Variants in TAMALIN observed in about 807,000 individuals in gnomAD.
TAMALIN encodes trafficking regulator and scaffold protein tamalin, also known as protein TAMALIN.
TAMALIN carries 9 observed loss-of-function variants against 38.5 expected under a neutral mutation model. The ratio of observed to expected loss-of-function variants is 0.23; its 90% confidence interval spans 0.14 to 0.41. The LOEUF is 0.41. Ranked by LOEUF, TAMALIN falls within the 10% of genes least tolerant of loss-of-function variation. The pLI is 1.00. For synonymous variants in TAMALIN, 306 were observed against 256.5 expected (o/e 1.19, Z -1.85); for missense variants, 548 against 554.1 (o/e 0.99, Z 0.11).
Position 52,012,631 on chromosome 12 carries a change from C to T in TAMALIN, c.455-1056C>T, listed in dbSNP as rs79595402. 5.4e-3 allele frequency among the ~76,000 whole-genome samples: 828 copies of T among 152,288 alleles called. 8 individuals are homozygous for T. Among genetic ancestry groups the T allele is most frequent in the African/African-American group, 0.019 (785 of 41,544 alleles). On this transcript the variant is annotated intron_variant, in intron 4 of 7. Transcript: ENST00000293662. The stretch of plus-strand genomic sequence containing the variant: ...GAAGCCTCAACATGAGTTTTGGGGA[C>T]AAACAATATTTAAATGGTAGCAGTA...
At chr12:52,013,414 T>G in intron 4 of TAMALIN, 1 of 430,076 alleles carries the variant, frequency 2.3e-6, no homozygotes, top group East Asian at 4.1e-5. Context: ...GGGTGTTGGG[T>G]GTGTGAGGTC....
In TAMALIN at chr12:52,007,449, C is replaced by T; in HGVS notation, c.246+184C>T. The T allele has an allele frequency of 1.0e-6, 1 of 985,254 alleles. No individual in the cohort carries two copies. The highest frequency in any genetic ancestry group is 1.2e-6 in the Non-Finnish European group (1 of 829,838). 61.0% of individuals were successfully genotyped at this position (985,254 alleles called of 1,614,324 possible). On this transcript the variant is annotated intron_variant, in intron 1 of 7. Transcript: ENST00000293662. The surrounding 1 kb of genome is among the most constrained non-coding windows in gnomAD (Gnocchi z 6.7). Reference sequence around the variant, plus strand: ...GAAGGCCGTGGCCCTCGCCTGCACACCGCGCCCAGGCTCGGTGGCTCTTAA... The same window carrying T: ...GAAGGCCGTGGCCCTCGCCTGCACATCGCGCCCAGGCTCGGTGGCTCTTAA...
At position 52,011,014 on chromosome 12, in the gene TAMALIN, C is replaced by A. The variant is rs1937633084; in HGVS notation, c.352-25C>A. 1.9e-6 allele frequency: 3 copies of A among 1,613,958 alleles called. No individual in the cohort carries two copies. The highest frequency in any genetic ancestry group is 2.5e-6 in the Non-Finnish European group (3 of 1,180,006). On this transcript the variant is annotated intron_variant, in intron 3 of 7. Transcript: ENST00000293662. This position sits in a 1 kb window ranked among gnomAD's most constrained non-coding sequence, Gnocchi z 5.3. ...TGAACGGACTTGTCCCAACCCTGGG[C>A]TGAGGGTCCCCTTGTCCATTACAGA...
In TAMALIN at chr12:52,011,779, G is replaced by A. The variant is rs1017601024; in HGVS notation, c.454+638G>A. The stretch of plus-strand genomic sequence containing the variant: ...ACAAGGAAATTATGCTTCAGCAGGA[G>A]ATCCCTGGATTGAGCAGATCTAGAG... On this transcript the variant is annotated intron_variant, in intron 4 of 7. Coordinates refer to ENST00000293662, the MANE Select transcript of TAMALIN (RefSeq NM_181711.4). This position sits in a 1 kb window ranked among gnomAD's most constrained non-coding sequence, Gnocchi z 5.3. Among the ~76,000 whole-genome samples, 2 of 152,020 alleles carry A rather than the reference G, an allele frequency of 1.3e-5. No individual in the cohort carries two copies. The highest frequency in any genetic ancestry group is 2.9e-5 in the Non-Finnish European group (2 of 68,010).
At position 52,015,417 on chromosome 12, in the gene TAMALIN, G is replaced by A. The variant is rs926313454; in HGVS notation, c.*218G>A. ...CCCGCCAAACCACAGTGGGAGCTGG[G>A]GCAGGGGGAGAGCCAGGCAATCGGG... On this transcript the variant is annotated 3_prime_UTR_variant, in exon 8 of 8. Transcript: ENST00000293662. 2 of 549,656 alleles carry A rather than the reference G, an allele frequency of 3.6e-6. No homozygotes were observed. The highest frequency in any genetic ancestry group is 2.0e-5 in the African/African-American group (1 of 49,524). 34.0% of individuals were successfully genotyped at this position (549,656 alleles called of 1,614,324 possible). A position where few individuals can be genotyped will look rare whatever the true frequency, so the allele number is the denominator to read the frequency against.
chr12:52,008,617 G>A (rs1851774583), intron 1 of TAMALIN: 2 of 985,300 alleles, frequency 2.0e-6, no homozygotes, highest in Admixed American at 1.2e-4. Context: ...AGGAGACCTG[G>A]CACCTCTGAC....
rs1252537738 is a variant in TAMALIN at position 52,007,610 on chromosome 12, C to T, written c.246+345C>T. The T allele has an allele frequency of 2.0e-6, 2 of 985,236 alleles. No homozygotes were observed. The highest frequency in any genetic ancestry group is 3.5e-5 in the African/African-American group (2 of 57,224). 61.0% of individuals were successfully genotyped at this position (985,236 alleles called of 1,614,324 possible). On this transcript the variant is annotated intron_variant, in intron 1 of 7. Transcript: ENST00000293662. This position sits in a 1 kb window ranked among gnomAD's most constrained non-coding sequence, Gnocchi z 6.7. Reference sequence around the variant, plus strand: ...CCAGGTGTCCTGGGTCCCCAGGAGCCCCTCGCCCGAGGGACAGAGACAGCC... The same window carrying T: ...CCAGGTGTCCTGGGTCCCCAGGAGCTCCTCGCCCGAGGGACAGAGACAGCC...
Position 52,011,425 on chromosome 12 carries a change from G to A in TAMALIN, c.454+284G>A. The A allele has an allele frequency of 3.4e-6, 2 of 592,378 alleles. No homozygotes were observed. Among genetic ancestry groups the A allele is most frequent in the East Asian group, 2.8e-5 (1 of 35,804 alleles). 36.7% of individuals were successfully genotyped at this position (592,378 alleles called of 1,614,324 possible). On this transcript the variant is annotated intron_variant, in intron 4 of 7. Coordinates refer to ENST00000293662, the MANE Select transcript of TAMALIN (RefSeq NM_181711.4). The surrounding 1 kb of genome is among the most constrained non-coding windows in gnomAD (Gnocchi z 5.3). ...GCACACTGCCAGGGCCTAATTAATG[G>A]TGGATGATGCTGCTGCTGCTCTGAT...
In TAMALIN at chr12:52,013,555, G is replaced by T. The variant is rs74477106; in HGVS notation, c.455-132G>T. The T allele has an allele frequency of 5.1e-3, 3,552 of 690,952 alleles. 103 individuals are homozygous for T. The African/African-American group carries it at 0.055, about 11-fold the overall frequency. 42.8% of individuals were successfully genotyped at this position (690,952 alleles called of 1,614,324 possible). A position where few individuals can be genotyped will look rare whatever the true frequency, so the allele number is the denominator to read the frequency against. ...GAGGAGATCTACAGAGAACCATGAG[G>T]AGTTGGAGGAGGGAGTTCAGGAGTA... On this transcript the variant is annotated intron_variant, in intron 4 of 7. Transcript: ENST00000293662.
Position 52,007,651 on chromosome 12 carries a change from G to A in TAMALIN, c.246+386G>A. 3.0e-6 allele frequency: 3 copies of A among 985,414 alleles called. No individual in the cohort carries two copies. Among genetic ancestry groups the A allele is most frequent in the Non-Finnish European group, 3.6e-6 (3 of 829,920 alleles). The allele number at this position is 985,414 out of a possible 1,614,324, so 61.0% of individuals were successfully genotyped here. ...AGAGACAGCCCCAGGCAAGTTGAAG[G>A]TCCGAGAGCCCCCGGTGGGAGAAGC... On this transcript the variant is annotated intron_variant, in intron 1 of 7. Transcript: ENST00000293662. This position sits in a 1 kb window ranked among gnomAD's most constrained non-coding sequence, Gnocchi z 6.7.
chr12:52,008,413 C>G (rs1246450107), intron 1 of TAMALIN: 1 of 984,856 alleles, frequency 1.0e-6, no homozygotes, highest in African/African-American at 1.7e-5. Context: ...CCTCCACACC[C>G]CCCACCACCA....
chr12:52,009,612 G>A (rs2120829661), intron 2 of TAMALIN, among the ~76,000 whole-genome samples: 1 of 152,318 alleles, frequency 6.6e-6, no homozygotes, highest in East Asian at 1.9e-4. Context: ...AAACCCCACG[G>A]GCCCAGACCT....
Position 52,007,495 on chromosome 12 carries a change from C to T in TAMALIN, c.246+230C>T, listed in dbSNP as rs1043819179. ...CTTAACTCCGCGCCCCATGCACGCCCCCTCTCTCCCTCCTTGACTCCTCCC... is the reference window on the plus strand; with the variant it reads ...CTTAACTCCGCGCCCCATGCACGCCTCCTCTCTCCCTCCTTGACTCCTCCC... On this transcript the variant is annotated intron_variant, in intron 1 of 7. Coordinates refer to ENST00000293662, the MANE Select transcript of TAMALIN (RefSeq NM_181711.4). This position sits in a 1 kb window ranked among gnomAD's most constrained non-coding sequence, Gnocchi z 6.7. 1 of 984,442 alleles carries T rather than the reference C, an allele frequency of 1.0e-6. No homozygotes were observed. The highest frequency in any genetic ancestry group is 1.2e-6 in the Non-Finnish European group (1 of 829,286). 61.0% of individuals were successfully genotyped at this position (984,442 alleles called of 1,614,324 possible). A position where few individuals can be genotyped will look rare whatever the true frequency, so the allele number is the denominator to read the frequency against.
At chr12:52,008,055 A>G (rs1237453998) in intron 1 of TAMALIN, 3 of 985,412 alleles carry the variant, frequency 3.0e-6, no homozygotes, top group African/African-American at 1.7e-5. Flanking sequence ...GCCCCCAGCT[A>G]GCCCCCACAC....
intron 1 of TAMALIN, 146 bp from the exon 2 acceptor site, chr12:52,009,044 T>C (rs1276532392): frequency 2.5e-6 from 2 of 800,558 alleles, no homozygotes; most frequent in Non-Finnish European, 4.2e-6. Context: ...ACTTGGCAAA[T>C]AGTTCCACCA....
At chr12:52,010,671 A>G in intron 2 of TAMALIN, 2 of 941,948 alleles carry the variant, frequency 2.1e-6, no homozygotes, top group South Asian at 1.7e-5. Flanking sequence ...CCACCACTAG[A>G]GGCTGGATTG....
rs942313586 is a variant in TAMALIN, at chr12:52,014,622, C to T, written c.683-72C>T. The stretch of plus-strand genomic sequence containing the variant: ...ACGGAGCGGGGACGCCCCGCCCATG[C>T]CCTCCGACCCTTTGCAGAGGCCACC... On this transcript the variant is annotated intron_variant, in intron 7 of 7. Coordinates refer to ENST00000293662, the MANE Select transcript of TAMALIN (RefSeq NM_181711.4). The T allele has an allele frequency of 5.6e-5, 67 of 1,201,906 alleles. 1 individual carries two copies. The African/African-American group carries it at 8.6e-4, about 15-fold the overall frequency. The allele number at this position is 1,201,906 out of a possible 1,614,324, so 74.5% of individuals were successfully genotyped here. A position where few individuals can be genotyped will look rare whatever the true frequency, so the allele number is the denominator to read the frequency against.
intron 4 of TAMALIN, among the ~76,000 whole-genome samples, chr12:52,012,539 C>A (rs1198645372): frequency 6.6e-6 from 1 of 152,222 alleles, no homozygotes; most frequent in African/African-American, 2.4e-5. Context: ...CAGGTGTGAG[C>A]CACGGCGCTC....
rs1462290014 is a variant in TAMALIN at position 52,014,819 on chromosome 12, C to T, written c.808C>T (p.Arg270Cys). 4.5e-6 allele frequency: 6 copies of T among 1,331,452 alleles called. No homozygotes were observed. In the South Asian group the frequency reaches 5.3e-5, roughly 12 times the overall value. The allele number at this position is 1,331,452 out of a possible 1,614,324, so 82.5% of individuals were successfully genotyped here. A position where few individuals can be genotyped will look rare whatever the true frequency, so the allele number is the denominator to read the frequency against. The change falls in exon 8 of 8, where the codon CGC (arginine) becomes TGC (cysteine). Residue 270 changes from arginine (R) to cysteine (C), a missense_variant. Around this residue, in one of 3 missense-constraint regions of TAMALIN, gnomAD observed 415 missense variants for 417.0 expected, o/e 1.00. Coordinates refer to ENST00000293662, the MANE Select transcript of TAMALIN (RefSeq NM_181711.4). The stretch of plus-strand genomic sequence containing the variant: ...TCTGCTCGCCGTGCCCGGGCGTCCC[C>T]GCGGAGGCGCCCGACGGGCCAGGGG... ...GPLLAVPGRP[R>C]GGARRARGDA... is the part of the protein sequence containing the mutation.
Sources: allele counts gnomAD v4.1 joint callset (sites outside exome capture counted in the v4.1 genomes callset), GRCh38; gene constraint gnomAD v4.1.1; regional missense constraint gnomAD v4.1.1; non-coding constraint Gnocchi (gnomAD v3.1); transcripts MANE v1.5; gene names NCBI Gene and HGNC (gene_info 2026-07-23, HGNC 2026-07-21).